Variants in CCDC102A observed in about 807,000 individuals in gnomAD.
CCDC102A encodes coiled-coil domain containing 102A.
A neutral mutation model predicts 55.5 loss-of-function variants in CCDC102A; 40 were observed. The ratio of observed to expected loss-of-function variants is 0.72; its 90% CI spans 0.56 to 0.94. The LOEUF (loss-of-function observed/expected upper bound fraction) is 0.94, where lower values mean the gene tolerates loss of function less well. CCDC102A is among the 40% of genes least tolerant of loss of function. CCDC102A has a pLI of 0.00. For missense variants in CCDC102A, 779 were observed against 768.6 expected (o/e 1.01, Z -0.16); for synonymous variants, 323 against 339.0 (o/e 0.95, Z 0.52).
upstream of CCDC102A, among the ~76,000 whole-genome samples, chr16:57,536,958 A>T (rs1193073730): frequency 6.6e-6 from 1 of 152,074 alleles, no homozygotes; most frequent in Admixed American, 6.5e-5. Context: ...CACTGTTGTT[A>T]CCTGCATTTT....
rs1179119748 is a variant in CCDC102A at position 57,528,681 on chromosome 16, AC to A, written c.496del (p.Val166SerfsTer39). On this transcript the variant is annotated frameshift_variant, in exon 2 of 9. Coordinates refer to ENST00000258214, the MANE Select transcript of CCDC102A (RefSeq NM_033212.4). LOFTEE classifies it high-confidence loss of function. ...ELARLRGARGVADQTRDGPEP... is the reference protein window; with the variant it reads ...ELARLRGARGXADQTRDGPEP... ...GGGGCCGTCGCGCGTCTGGTCGGCGACCCCCCGGGCGCCCCTCAGCCGCGCC... is the reference window on the plus strand; with the variant it reads ...GGGGCCGTCGCGCGTCTGGTCGGCGACCCCCGGGCGCCCCTCAGCCGCGCC... 24 of 1,124,574 alleles carry A rather than the reference AC, an allele frequency of 2.1e-5. No individual in the cohort carries two copies. In the South Asian group the frequency reaches 2.7e-4, roughly 13 times the overall value. 69.7% of individuals were successfully genotyped at this position (1,124,574 alleles called of 1,614,324 possible). A position where few individuals can be genotyped will look rare whatever the true frequency, so the allele number is the denominator to read the frequency against.
chr16:57,535,289 C>A (rs2032349946), intron 1 of CCDC102A, among the ~76,000 whole-genome samples: 2 of 152,144 alleles, frequency 1.3e-5, no homozygotes, highest in Admixed American at 1.3e-4. Flanking sequence ...CCAGGCTGGA[C>A]CTAAGCCCAG....
At position 57,522,227 on chromosome 16, in the gene CCDC102A, A is replaced by G. The variant is rs377651612; in HGVS notation, c.813-1051T>C. On this transcript the variant is annotated intron_variant, in intron 3 of 8. Coordinates refer to ENST00000258214, the MANE Select transcript of CCDC102A (RefSeq NM_033212.4). ...GAATCACTGTATAAACTGAAGGAAG[A>G]CTGCACTTTTCTTTGTTTTTAGAGA... Among the ~76,000 whole-genome samples the G allele has an allele frequency of 1.1e-3, 173 of 152,298 alleles. 2 individuals are homozygous for G. In the South Asian group the frequency reaches 0.034, roughly 30 times the overall value.
Position 57,529,258 on chromosome 16 carries a change from A to G in CCDC102A, c.-81T>C. ...CGGGGACGCGCGGCGGGCGCGATAC[A>G]ACTGTGCATGATGACGCCGTGCCCC... On this transcript the variant is annotated 5_prime_UTR_variant, in exon 2 of 9. Transcript: ENST00000258214. The surrounding 1 kb of genome is among the most constrained non-coding windows in gnomAD (Gnocchi z 4.1). The G allele has an allele frequency of 8.9e-7, 1 of 1,121,338 alleles. No homozygotes were observed. Among genetic ancestry groups the G allele is most frequent in the Non-Finnish European group, 1.1e-6 (1 of 915,694 alleles). The allele number at this position is 1,121,338 out of a possible 1,614,324, so 69.5% of individuals were successfully genotyped here. A position where few individuals can be genotyped will look rare whatever the true frequency, so the allele number is the denominator to read the frequency against.
At position 57,528,687 on chromosome 16, in the gene CCDC102A, C is replaced by A; in HGVS notation, c.491G>T (p.Arg164Leu). ...GRELARLRGA[R>L]GVADQTRDGP... ...GTCGCGCGTCTGGTCGGCGACCCCC[C>A]GGGCGCCCCTCAGCCGCGCCAGCTC... Residue 164 changes from arginine (R) to leucine (L), a missense_variant, in exon 2 of 9, where the codon CGG (arginine) becomes CTG (leucine). Physicochemically the swap from Arg to Leu is moderately radical, Grantham distance 102. Transcript: ENST00000258214. 2 of 1,125,174 alleles carry A rather than the reference C, an allele frequency of 1.8e-6. No individual in the cohort carries two copies. Among genetic ancestry groups the A allele is most frequent in the South Asian group, 5.9e-5 (2 of 33,764 alleles). 69.7% of individuals were successfully genotyped at this position (1,125,174 alleles called of 1,614,324 possible).
intron 1 of CCDC102A, among the ~76,000 whole-genome samples, chr16:57,530,989 C>T (rs566136252): frequency 5.3e-5 from 8 of 152,102 alleles, no homozygotes; most frequent in Non-Finnish European, 8.8e-5. Context: ...TTCCCCTCCT[C>T]TCCAGCTGCT....
intron 6 of CCDC102A, among the ~76,000 whole-genome samples, chr16:57,517,514 T>C (rs1433089202): frequency 2.0e-5 from 3 of 152,100 alleles, no homozygotes; most frequent in African/African-American, 7.2e-5. Flanking sequence ...CGGCTAATTT[T>C]TGTATTTTTA....
chr16:57,512,811 C>A lies in CCDC102A; in HGVS notation c.1583G>T (p.Gly528Val). ...LFGKIRSARF[G>V]TEEAEDGTSD... ...GGTTCCATCCTCGGCCTCCTCGGTG[C>A]CAAAGCGAGCACTGCGGATCTTCCC... Residue 528 changes from glycine (G) to valine (V), a missense_variant, in exon 9 of 9, where the codon GGC becomes GTC. Physicochemically the swap from Gly to Val is moderately radical, Grantham distance 109. Coordinates refer to ENST00000258214, the MANE Select transcript of CCDC102A (RefSeq NM_033212.4). 6.2e-7 allele frequency: 1 copy of A among 1,614,152 alleles called. No individual in the cohort carries two copies. The highest frequency in any genetic ancestry group is 8.5e-7 in the Non-Finnish European group (1 of 1,180,010).
Position 57,528,785 on chromosome 16 carries a change from C to A in CCDC102A, c.393G>T (p.Ala131=). The change falls in exon 2 of 9, where the codon GCG becomes GCT. Residue 131 remains alanine, a synonymous_variant. Transcript: ENST00000258214. ...EVRQLRQRLD[A]LTKELAGARR... The stretch of plus-strand genomic sequence containing the variant: ...GTGCGCCCGCCAGCTCCTTGGTGAG[C>A]GCGTCCAGGCGCTGGCGCAGCTGGC... 3 of 1,203,072 alleles carry A rather than the reference C, an allele frequency of 2.5e-6. No individual in the cohort carries two copies. Among genetic ancestry groups the A allele is most frequent in the South Asian group, 4.5e-5 (2 of 44,560 alleles). The allele number at this position is 1,203,072 out of a possible 1,614,324, so 74.5% of individuals were successfully genotyped here.
In CCDC102A at chr16:57,521,125, G is replaced by A; in HGVS notation, c.864C>T (p.Ser288=). ...GCTCCTCATACTTGATCTTCCACTG[G>A]CTGAGCTCCCCCTCTAGCTTCTCAA... ...RNIEKLEGEL[S]QWKIKYEELS... The change falls in exon 4 of 9, where the codon AGC becomes AGT. Residue 288 remains serine, a synonymous_variant. Transcript: ENST00000258214. 6.2e-7 allele frequency: 1 copy of A among 1,613,548 alleles called. No individual in the cohort carries two copies. The highest frequency in any genetic ancestry group is 8.5e-7 in the Non-Finnish European group (1 of 1,179,988).
At chr16:57,532,353 C>T (rs1423193640) in intron 1 of CCDC102A, among the ~76,000 whole-genome samples, 1 of 152,174 alleles carries the variant, frequency 6.6e-6, no homozygotes, top group Non-Finnish European at 1.5e-5. Flanking sequence ...CCATACAGAT[C>T]CAGGCTCTGG....
At chr16:57,531,599 C>T (rs1465318133) in intron 1 of CCDC102A, among the ~76,000 whole-genome samples, 1 of 152,170 alleles carries the variant, frequency 6.6e-6, no homozygotes, top group Non-Finnish European at 1.5e-5. Context: ...TGTGTCATTA[C>T]CAATACTGAT....
Position 57,528,650 on chromosome 16 carries a change from C to T in CCDC102A, c.528G>A (p.Pro176=), listed in dbSNP as rs1194521023. ...CACGCACTGGCTCGCGCTCCGCTTC[C>T]GGCTCGGGGCCGTCGCGCGTCTGGT... The part of the protein sequence containing the change: ...VADQTRDGPE[P]EAEREPVRDV... Residue 176 remains proline (P), a synonymous_variant, in exon 2 of 9, where the codon CCG becomes CCA. Transcript: ENST00000258214. 15 of 1,185,334 alleles carry T rather than the reference C, an allele frequency of 1.3e-5. No individual in the cohort carries two copies. Among genetic ancestry groups the T allele is most frequent in the Non-Finnish European group, 1.4e-5 (13 of 952,866 alleles). 73.4% of individuals were successfully genotyped at this position (1,185,334 alleles called of 1,614,324 possible). A position where few individuals can be genotyped will look rare whatever the true frequency, so the allele number is the denominator to read the frequency against.
intron 3 of CCDC102A, among the ~76,000 whole-genome samples, chr16:57,524,675 T>G (rs190966821): frequency 1.3e-5 from 2 of 152,296 alleles, no homozygotes; most frequent in East Asian, 3.9e-4. Flanking sequence ...CAAAGTGCTA[T>G]GATTACAGAC....
rs1396005713 is a variant in CCDC102A at position 57,528,691 on chromosome 16, C to A, written c.487G>T (p.Ala163Ser). ...CGCGTCTGGTCGGCGACCCCCCGGG[C>A]GCCCCTCAGCCGCGCCAGCTCGCGG... ...RGRELARLRG[A>S]RGVADQTRDG... Residue 163 changes from alanine (A) to serine (S), a missense_variant, in exon 2 of 9, where the codon GCC becomes TCC. By Grantham distance (99) the Ala-to-Ser change is moderately conservative (BLOSUM62 1). Coordinates refer to ENST00000258214, the MANE Select transcript of CCDC102A (RefSeq NM_033212.4). 1.8e-6 allele frequency: 2 copies of A among 1,122,550 alleles called. No homozygotes were observed. The highest frequency in any genetic ancestry group is 1.7e-5 in the African/African-American group (1 of 58,770). 69.5% of individuals were successfully genotyped at this position (1,122,550 alleles called of 1,614,324 possible).
chr16:57,526,609 T>C (rs2032145327), intron 2 of CCDC102A, among the ~76,000 whole-genome samples: 1 of 152,128 alleles, frequency 6.6e-6, no homozygotes, highest in Non-Finnish European at 1.5e-5. Flanking sequence ...GTTGAGAAAT[T>C]AGGAACCCAG....
In CCDC102A at chr16:57,526,014, C is replaced by T. The variant is rs146826598; in HGVS notation, c.699G>A (p.Glu233=). The T allele has an allele frequency of 3.1e-6, 5 of 1,605,284 alleles. No individual in the cohort carries two copies. In the East Asian group the frequency reaches 9.0e-5, roughly 29 times the overall value. ...GGPRGSSGRQ[E]RSRLPWEDTA... ...TGTCCTCCCAGGGTAGCCGGCTGCGCTCCTGGCGGCCTGAGCTGCCCCGCG... is the reference window on the plus strand; with the variant it reads ...TGTCCTCCCAGGGTAGCCGGCTGCGTTCCTGGCGGCCTGAGCTGCCCCGCG... The change falls in exon 3 of 9, where the codon GAG becomes GAA. Residue 233 remains glutamate, a synonymous_variant. Transcript: ENST00000258214.
rs56888001 is a variant in CCDC102A, at chr16:57,520,536, A to AATAACATAACATAACATAACATAAC, written c.921+507_921+531dup. 3.8e-3 allele frequency among the ~76,000 whole-genome samples: 468 copies of AATAACATAACATAACATAACATAAC among 124,702 alleles called. 8 individuals are homozygous for AATAACATAACATAACATAACATAAC. The highest frequency in any genetic ancestry group is 0.017 in the South Asian group (62 of 3,706). The allele number at this position is 124,702 out of a possible 152,430, so 81.8% of individuals were successfully genotyped here. On this transcript the variant is annotated intron_variant, in intron 4 of 8. Coordinates refer to ENST00000258214, the MANE Select transcript of CCDC102A (RefSeq NM_033212.4). Reference sequence around the variant, plus strand: ...CCAGCACTCAGAACAACTCAGAAAAAATAACATAACATAACATAACATAAC... The same window carrying AATAACATAACATAACATAACATAAC: ...CCAGCACTCAGAACAACTCAGAAAAAATAACATAACATAACATAACATAACATAACATAACATAACATAACATAAC...
chr16:57,523,667 C>G lies in CCDC102A; in HGVS notation c.812+2234G>C, dbSNP rs536920346. Among the ~76,000 whole-genome samples the G allele has an allele frequency of 4.0e-5, 6 of 151,708 alleles. No homozygotes were observed. In the East Asian group the frequency reaches 1.2e-3, roughly 29 times the overall value. On this transcript the variant is annotated intron_variant, in intron 3 of 8. Transcript: ENST00000258214. Reference sequence around the variant, plus strand: ...AGCTAATTTTTTTTTTTTTGTAGGCCAGGCACAATGGCTCATGCCTGTAAT... The same window carrying G: ...AGCTAATTTTTTTTTTTTTGTAGGCGAGGCACAATGGCTCATGCCTGTAAT...
Sources: gnomAD v4.1 joint callset for allele counts (sites outside exome capture counted in the v4.1 genomes callset) on GRCh38, gnomAD v4.1.1 for gene constraint, Gnocchi (gnomAD v3.1) non-coding constraint, MANE v1.5 for transcripts, NCBI Gene and HGNC (gene_info 2026-07-23, HGNC 2026-07-21) for gene names.